Variants in ADGRV1 observed in about 807,000 individuals in gnomAD.
ADGRV1 encodes the protein G-protein coupled receptor 98.
Under a neutral mutation model 596.2 loss-of-function variants are expected in ADGRV1, and 359 were observed. That is an observed-to-expected ratio of 0.60 (90% CI 0.55 to 0.66). The LOEUF (loss-of-function observed/expected upper bound fraction) is 0.66, where lower values mean the gene tolerates loss of function less well. Ranked by LOEUF, ADGRV1 falls within the 30% of genes least tolerant of loss-of-function variation. The probability of loss-of-function intolerance (pLI) is 0.00; values close to 1 mark genes in which losing one functional copy is unlikely to be tolerated. For synonymous variants in ADGRV1, 2,681 were observed against 2,679.2 expected, an observed-to-expected ratio of 1.00 and a Z score of -0.02; for missense variants, 7,274 against 7,575.6, an observed-to-expected ratio of 0.96 and a Z score of 1.48.
At chr5:90,766,906 T>A (rs1351983929) in intron 59 of ADGRV1, among the ~76,000 whole-genome samples, 1 of 152,150 alleles carries the variant, frequency 6.6e-6, no homozygotes, top group African/African-American at 2.4e-5. Context: ...TGGCTAGTTT[T>A]AATAATCAAA....
intron 49 of ADGRV1, 73 bp from the exon 50 acceptor site, chr5:90,729,569 T>A: frequency 8.7e-7 from 1 of 1,151,720 alleles, no homozygotes; most frequent in South Asian, 1.4e-5. Flanking sequence ...TTTATTATAG[T>A]TTTATTATGT....
chr5:90,916,770 C>A (rs1349626318), intron 83 of ADGRV1, among the ~76,000 whole-genome samples: 6 of 148,090 alleles, frequency 4.1e-5, no homozygotes, highest in African/African-American at 1.2e-4. Context: ...GTAGCTGGGA[C>A]TACAGGCGCC....
chr5:90,795,688 G>A (rs1214428306), intron 70 of ADGRV1, among the ~76,000 whole-genome samples: 4 of 152,322 alleles, frequency 2.6e-5, no homozygotes, highest in African/African-American at 7.2e-5. Flanking sequence ...CCTGACCCCC[G>A]TGTATCCTGA....
In ADGRV1 at chr5:90,917,650, G is replaced by T. The variant is rs576723776; in HGVS notation, c.17857-47765G>T. Among the ~76,000 whole-genome samples, 15 of 152,282 alleles carry T rather than the reference G, an allele frequency of 9.9e-5. No individual in the cohort carries two copies. The East Asian group carries it at 2.7e-3, about 27-fold the overall frequency. On this transcript the variant is annotated intron_variant, in intron 83 of 89. Coordinates refer to ENST00000405460, the MANE Select transcript of ADGRV1 (RefSeq NM_032119.4). ...TGAGAGATAAGCTCTATTATTGAGA[G>T]AACCAACTTCTTTCCTTAAAAGAAT...
chr5:90,819,722 G>C (rs1292259356), intron 75 of ADGRV1, among the ~76,000 whole-genome samples: 3 of 151,448 alleles, frequency 2.0e-5, no homozygotes, highest in Non-Finnish European at 4.4e-5. Flanking sequence ...GTAGTTGAGC[G>C]GTTTTGAGTG....
At chr5:90,867,471 T>C (rs2150478852) in intron 83 of ADGRV1, among the ~76,000 whole-genome samples, 1 of 152,304 alleles carries the variant, frequency 6.6e-6, no homozygotes, top group East Asian at 1.9e-4. Context: ...TTTTGGGATG[T>C]CATTTTGCAA....
intron 68 of ADGRV1, among the ~76,000 whole-genome samples, chr5:90,788,956 G>A (rs757961692): frequency 6.6e-6 from 1 of 152,030 alleles, no homozygotes; most frequent in African/African-American, 2.4e-5. Context: ...ACATGATTGT[G>A]AGGGCTGGCA....
chr5:90,564,106 G>C (rs1458869441), intron 1 of ADGRV1, among the ~76,000 whole-genome samples: 1 of 152,222 alleles, frequency 6.6e-6, no homozygotes, highest in African/African-American at 2.4e-5. Flanking sequence ...ATAATAGAAA[G>C]AAGTGTTTTA....
intron 1 of ADGRV1, among the ~76,000 whole-genome samples, chr5:90,578,791 CTGT>C (rs1445854882): frequency 6.6e-6 from 1 of 152,094 alleles, no homozygotes; most frequent in East Asian, 1.9e-4. Flanking sequence ...ATTTCAGAGC[CTGT>C]TATTGGTCTA....
Position 90,757,127 on chromosome 5 carries a change from C to A in ADGRV1, c.11906C>A (p.Pro3969Gln), listed in dbSNP as rs1235047565. 1.2e-6 allele frequency: 2 copies of A among 1,613,870 alleles called. No homozygotes were observed. Among genetic ancestry groups the A allele is most frequent in the East Asian group, 2.2e-5 (1 of 44,880 alleles). ...PDSAGLEDFKPSHGILEFADK... is the reference protein window; with the variant it reads ...PDSAGLEDFKQSHGILEFADK... The stretch of plus-strand genomic sequence containing the variant: ...AGTGCTGGCCTGGAAGACTTTAAAC[C>A]ATCTCATGGGATTCTTGAATTTGCA... Residue 3969 changes from proline (P) to glutamine (Q), a missense_variant, in exon 57 of 90, where the codon CCA becomes CAA. By Grantham distance (76) the Pro-to-Gln change is moderately conservative. Coordinates refer to ENST00000405460, the MANE Select transcript of ADGRV1 (RefSeq NM_032119.4).
chr5:90,614,310 A>T (rs981102913), intron 1 of ADGRV1: 9 of 312,618 alleles, frequency 2.9e-5, no homozygotes, highest in Non-Finnish European at 5.5e-5. Context: ...CCCTTCTTTG[A>T]AAGGATTAGA....
At chr5:90,786,349 T>A (rs1033824488) in intron 67 of ADGRV1, among the ~76,000 whole-genome samples, 12 of 152,200 alleles carry the variant, frequency 7.9e-5, no homozygotes, top group African/African-American at 2.9e-4. Flanking sequence ...TGTATACCTA[T>A]GTGTCAAACC....
intron 29 of ADGRV1, among the ~76,000 whole-genome samples, chr5:90,687,176 A>G (rs756130131): frequency 2.4e-4 from 36 of 152,116 alleles, no homozygotes; most frequent in Non-Finnish European, 5.0e-4. Flanking sequence ...GTTCACTGTG[A>G]TGGTACTTAC....
intron 54 of ADGRV1, 83 bp downstream of exon 54, chr5:90,753,912 T>C: frequency 7.5e-7 from 1 of 1,341,834 alleles, no homozygotes; most frequent in Middle Eastern, 2.6e-4. Context: ...GGAATGTAAA[T>C]TTCTCTTTTT....
In ADGRV1 at chr5:90,711,218, T is replaced by C. The variant is rs397517442; in HGVS notation, c.8938T>C (p.Leu2980=). The stretch of plus-strand genomic sequence containing the variant: ...AAATGAAACCCATGGAAGTTTAACA[T>C]TGGTAGCCCAGAGGAGCAGAGAACC... ...EVNETHGSLT[L]VAQRSREPLG... The change falls in exon 41 of 90, where the codon TTG becomes CTG. Residue 2980 remains leucine, a synonymous_variant. Coordinates refer to ENST00000405460, the MANE Select transcript of ADGRV1 (RefSeq NM_032119.4). 1.2e-6 allele frequency: 2 copies of C among 1,613,080 alleles called. No homozygotes were observed. Among genetic ancestry groups the C allele is most frequent in the Admixed American group, 3.3e-5 (2 of 59,986 alleles).
intron 86 of ADGRV1, chr5:91,092,537 G>T (rs768690407): frequency 8.5e-5 from 13 of 152,054 alleles, no homozygotes; most frequent in Non-Finnish European, 1.3e-4. Flanking sequence ...TAAACAAAAG[G>T]GTTCTATAGC....
At chr5:90,787,992 A>G in intron 67 of ADGRV1, 79 bp from the exon 68 acceptor site, 1 of 1,003,556 alleles carries the variant, frequency 1.0e-6, no homozygotes, top group Non-Finnish European at 1.4e-6. Context: ...TATTTTCTTA[A>G]TACTAGATAC....
chr5:90,976,320 G>GTATATATATATATATA (rs1250040638), intron 84 of ADGRV1, among the ~76,000 whole-genome samples: 2 of 110,424 alleles, frequency 1.8e-5, no homozygotes, highest in African/African-American at 7.2e-5. Flanking sequence ...GTGTGTGTGT[G>GTATATATATATATATA]TGTATATATA....
At chr5:90,620,840 C>G (rs1763972703) in intron 4 of ADGRV1, among the ~76,000 whole-genome samples, 2 of 152,128 alleles carry the variant, frequency 1.3e-5, no homozygotes, top group South Asian at 4.1e-4. Flanking sequence ...TTTCAAAAAA[C>G]TTACTATGAA....
Sources: gnomAD v4.1 joint callset for allele counts (sites outside exome capture counted in the v4.1 genomes callset) on GRCh38, gnomAD v4.1.1 for gene constraint, MANE v1.5 for transcripts, NCBI Gene and HGNC (gene_info 2026-07-23, HGNC 2026-07-21) for gene names.